Variants in TAF2 observed in about 807,000 individuals in gnomAD.
TAF2 encodes TATA-box binding protein associated factor 2.
A neutral mutation model predicts 138.5 loss-of-function variants in TAF2; 61 were observed. The ratio of observed to expected loss-of-function variants is 0.44; its 90% CI spans 0.36 to 0.54. The LOEUF is 0.54. Among genes scored for constraint, TAF2 ranks in the 20% least tolerant of loss-of-function variants. The pLI, the probability that TAF2 is intolerant of heterozygous loss-of-function variation, is 0.00. For synonymous variants in TAF2, 475 were observed against 469.9 expected, an observed-to-expected ratio of 1.01 and a Z score of -0.14; for missense variants, 1,090 against 1,427.9, an observed-to-expected ratio of 0.76 and a Z score of 3.81.
At chr8:119,781,024 C>A (rs776725973) in intron 17 of TAF2, 29 bp downstream of exon 17, 3 of 1,598,822 alleles carry the variant, frequency 1.9e-6, no homozygotes, top group Non-Finnish European at 2.6e-6. Flanking sequence ...TATATAAAAA[C>A]CATGAGAAAA....
intron 2 of TAF2, among the ~76,000 whole-genome samples, chr8:119,828,138 A>G (rs1163206693): frequency 6.6e-6 from 1 of 152,154 alleles, no homozygotes; most frequent in East Asian, 1.9e-4. Context: ...TTGGCCTCCC[A>G]AAGTGCTGGG....
chr8:119,830,619 T>C (rs1044508090), intron 2 of TAF2, among the ~76,000 whole-genome samples: 24 of 152,152 alleles, frequency 1.6e-4, no homozygotes, highest in Non-Finnish European at 1.9e-4. Flanking sequence ...TTAGGAACAT[T>C]ACAAATCTAA....
At chr8:119,737,182 C>T (rs530742953) in intron 25 of TAF2, among the ~76,000 whole-genome samples, 1 of 152,198 alleles carries the variant, frequency 6.6e-6, no homozygotes, top group South Asian at 2.1e-4. Context: ...AAATAAATAA[C>T]GGCATTTAGA....
At chr8:119,820,337 G>A (rs1825739450) in intron 2 of TAF2, among the ~76,000 whole-genome samples, 1 of 152,096 alleles carries the variant, frequency 6.6e-6, no homozygotes, top group African/African-American at 2.4e-5. Context: ...AAATTTCAGA[G>A]GCTATAACAG....
At chr8:119,802,903 G>A (rs545348965) in intron 5 of TAF2, among the ~76,000 whole-genome samples, 22 of 152,102 alleles carry the variant, frequency 1.4e-4, no homozygotes, top group African/African-American at 5.1e-4. Flanking sequence ...TCCAGCTGGT[G>A]CAACAGGCTA....
Position 119,744,374 on chromosome 8 carries a change from T to C in TAF2, c.3128A>G (p.Glu1043Gly). The change falls in exon 24 of 26, where the codon GAG (glutamate) becomes GGG (glycine). Residue 1043 changes from glutamate (E) to glycine (G), a missense_variant. Coordinates refer to ENST00000378164, the MANE Select transcript of TAF2 (RefSeq NM_003184.4). The stretch of plus-strand genomic sequence containing the variant: ...AACAGTATCCATATCAATCTCCTCC[T>C]CATCTTGAGAACTGGAAAACTAAAA... ...FQNPFSSSQD[E>G]EEIDMDTVHD... The C allele has an allele frequency of 6.2e-7, 1 of 1,613,554 alleles. No homozygotes were observed. The highest frequency in any genetic ancestry group is 8.5e-7 in the Non-Finnish European group (1 of 1,179,862).
intron 23 of TAF2, among the ~76,000 whole-genome samples, chr8:119,745,205 T>TA (rs540757960): frequency 6.2e-4 from 95 of 152,146 alleles, no homozygotes; most frequent in African/African-American, 2.2e-3. Context: ...CTGGTCTTTT[T>TA]GGGGGGAGAA....
chr8:119,781,183 G>A lies in TAF2; in HGVS notation c.2123C>T (p.Ser708Leu). The change falls in exon 17 of 26, where the codon TCA becomes TTA. Residue 708 changes from serine (S) to leucine (L), a missense_variant. Transcript: ENST00000378164. ...ACFCLAKIAN[S>L]MVSTWTGPPA... ...TGGTCCTGTCCATGTGCTCACCATTGAATTTGCAATCTGCAAATAATTAGA... is the reference window on the plus strand; with the variant it reads ...TGGTCCTGTCCATGTGCTCACCATTAAATTTGCAATCTGCAAATAATTAGA... 1 of 1,614,012 alleles carries A rather than the reference G, an allele frequency of 6.2e-7. No individual in the cohort carries two copies. Among genetic ancestry groups the A allele is most frequent in the Non-Finnish European group, 8.5e-7 (1 of 1,179,982 alleles).
chr8:119,748,244 A>T (rs1163963988), intron 22 of TAF2, among the ~76,000 whole-genome samples: 1 of 152,092 alleles, frequency 6.6e-6, no homozygotes, highest in African/African-American at 2.4e-5. Flanking sequence ...AGAAACAAAA[A>T]GGAAAAAATT....
intron 6 of TAF2, among the ~76,000 whole-genome samples, chr8:119,800,452 G>A (rs985260588): frequency 6.6e-6 from 1 of 152,166 alleles, no homozygotes; most frequent in Admixed American, 6.5e-5. Flanking sequence ...TCAGATGGTT[G>A]TAGATGTGTG....
intron 23 of TAF2, 125 bp downstream of exon 23, chr8:119,746,580 T>G: frequency 9.6e-7 from 1 of 1,046,268 alleles, no homozygotes; most frequent in Non-Finnish European, 1.5e-6. Flanking sequence ...CAGCCAGCAT[T>G]TTTTAAAAGG....
At chr8:119,739,240 T>G (rs1344367210) in intron 25 of TAF2, among the ~76,000 whole-genome samples, 1 of 151,978 alleles carries the variant, frequency 6.6e-6, no homozygotes, top group Admixed American at 6.6e-5. Flanking sequence ...TCCAGTCACC[T>G]CAAGCTCTGC....
At chr8:119,811,674 T>G (rs1282817020) in intron 3 of TAF2, among the ~76,000 whole-genome samples, 1 of 150,630 alleles carries the variant, frequency 6.6e-6, no homozygotes, top group Non-Finnish European at 1.5e-5. Flanking sequence ...GGCGTGGTGG[T>G]GGGCGCCTGT....
At chr8:119,790,018 C>A (rs906957498) in intron 11 of TAF2, among the ~76,000 whole-genome samples, 1 of 151,890 alleles carries the variant, frequency 6.6e-6, no homozygotes, top group African/African-American at 2.4e-5. Flanking sequence ...TATATAATAC[C>A]TATAATTTAT....
intron 9 of TAF2, among the ~76,000 whole-genome samples, chr8:119,795,277 G>A (rs1823744167): frequency 6.6e-6 from 1 of 152,114 alleles, no homozygotes. Context: ...ATAAGGAGCT[G>A]GGACATACCT....
At chr8:119,783,348 T>C (rs1336376909) in intron 16 of TAF2, 33 bp downstream of exon 16, 1 of 1,607,616 alleles carries the variant, frequency 6.2e-7, no homozygotes, top group Non-Finnish European at 8.5e-7. Flanking sequence ...ATATATACAA[T>C]AGTCATTTCC....
chr8:119,800,966 T>C (rs971603521), intron 6 of TAF2, among the ~76,000 whole-genome samples: 3 of 152,318 alleles, frequency 2.0e-5, no homozygotes, highest in African/African-American at 4.8e-5. Flanking sequence ...GGCCTAAAAC[T>C]GTGATTTGGC....
At chr8:119,803,393 TG>T (rs1165970212) in intron 5 of TAF2, among the ~76,000 whole-genome samples, 1 of 152,136 alleles carries the variant, frequency 6.6e-6, no homozygotes, top group African/African-American at 2.4e-5. Context: ...AGAAGGGAGA[TG>T]TAAGATTGAG....
chr8:119,764,040 T>A (rs1821255466), intron 18 of TAF2, among the ~76,000 whole-genome samples: 2 of 121,024 alleles, frequency 1.7e-5, no homozygotes, highest in South Asian at 4.7e-4. Flanking sequence ...TCCCAGTTAC[T>A]TGGGCGGCTG....
Sources: allele counts gnomAD v4.1 joint callset (sites outside exome capture counted in the v4.1 genomes callset), GRCh38; gene constraint gnomAD v4.1.1; transcripts MANE v1.5; gene names NCBI Gene and HGNC (gene_info 2026-07-23, HGNC 2026-07-21).